RSPO2: variants seen among roughly 807,000 people sequenced by gnomAD.
RSPO2 encodes the protein R-spondin 2.
In RSPO2, 14 loss-of-function variants were observed where a neutral mutation model predicts 30.9. The ratio of observed to expected loss-of-function variants is 0.45; its 90% CI spans 0.30 to 0.71. The LOEUF is 0.71. Ranked by LOEUF, RSPO2 falls within the 30% of genes least tolerant of loss-of-function variation. RSPO2 has a pLI of 0.08. For synonymous variants in RSPO2, 107 were observed against 96.4 expected, an observed-to-expected ratio of 1.11 and a Z score of -0.64; for missense variants, 264 against 301.9, an observed-to-expected ratio of 0.87 and a Z score of 0.93.
intron 2 of RSPO2, among the ~76,000 whole-genome samples, chr8:107,996,009 G>T (rs577378610): frequency 6.6e-6 from 1 of 152,234 alleles, no homozygotes; most frequent in South Asian, 2.1e-4. Context: ...CTTCTGAAGA[G>T]GTTTTATTCT....
chr8:108,020,177 A>G (rs1362616824), intron 2 of RSPO2, among the ~76,000 whole-genome samples: 1 of 151,814 alleles, frequency 6.6e-6, no homozygotes, highest in Non-Finnish European at 1.5e-5. Flanking sequence ...TTTTTGTCCC[A>G]TCTCAGAGTC....
chr8:108,053,081 C>T (rs953607070), intron 2 of RSPO2, among the ~76,000 whole-genome samples: 2 of 152,096 alleles, frequency 1.3e-5, no homozygotes, highest in African/African-American at 4.8e-5. Flanking sequence ...TTGGATTTTA[C>T]GTATTCTAGG....
chr8:107,960,120 T>C (rs1263790008), intron 4 of RSPO2, among the ~76,000 whole-genome samples: 1 of 152,196 alleles, frequency 6.6e-6, no homozygotes, highest in East Asian at 1.9e-4. Context: ...ATAAAATTTA[T>C]AAAATGTGTT....
chr8:107,959,210 GT>G (rs1029273677), intron 4 of RSPO2, among the ~76,000 whole-genome samples: 1 of 152,160 alleles, frequency 6.6e-6, no homozygotes, highest in African/African-American at 2.4e-5. Flanking sequence ...CTTTCAACAG[GT>G]TTCTGGAGAC....
chr8:108,052,366 A>C (rs1289627700), intron 2 of RSPO2, among the ~76,000 whole-genome samples: 1 of 152,236 alleles, frequency 6.6e-6, no homozygotes, highest in Non-Finnish European at 1.5e-5. Context: ...TCCAACAGGG[A>C]TGTATTCCCC....
intron 3 of RSPO2, among the ~76,000 whole-genome samples, chr8:107,973,548 AC>A (rs1814091016): frequency 6.6e-6 from 1 of 151,768 alleles, no homozygotes; most frequent in African/African-American, 2.4e-5. Flanking sequence ...ACACACACAC[AC>A]ACACACACAC....
chr8:107,963,108 TA>T (rs1239298677), intron 3 of RSPO2, among the ~76,000 whole-genome samples: 2 of 152,170 alleles, frequency 1.3e-5, no homozygotes, highest in African/African-American at 4.8e-5. Flanking sequence ...GATGAAAGCT[TA>T]ATTATTTGTT....
At chr8:108,045,817 C>T (rs1811893162) in intron 2 of RSPO2, among the ~76,000 whole-genome samples, 1 of 152,128 alleles carries the variant, frequency 6.6e-6, no homozygotes, top group Non-Finnish European at 1.5e-5. Flanking sequence ...AATTTGCTAA[C>T]TGTTTACTGC....
chr8:108,071,324 A>G lies in RSPO2; in HGVS notation c.94+11221T>C, dbSNP rs190177340. On this transcript the variant is annotated intron_variant, in intron 2 of 5. Transcript: ENST00000276659. ...AATTGACAGGATTCAGTCAAGAATC[A>G]TATCAGCCACTGCTGATGTAACTTA... is the stretch of plus-strand genomic sequence containing the variant. Among the ~76,000 whole-genome samples, 5 of 152,356 alleles carry G rather than the reference A, an allele frequency of 3.3e-5. No homozygotes were observed. In the East Asian group the frequency reaches 5.8e-4, roughly 18 times the overall value.
intron 5 of RSPO2, among the ~76,000 whole-genome samples, chr8:107,954,900 C>T (rs1381240475): frequency 1.3e-5 from 2 of 152,154 alleles, no homozygotes; most frequent in Non-Finnish European, 2.9e-5. Context: ...TGAGCCATTG[C>T]GCCTGGCCTC....
chr8:108,059,758 A>T (rs1447753969), intron 2 of RSPO2, among the ~76,000 whole-genome samples: 2 of 149,662 alleles, frequency 1.3e-5, no homozygotes, highest in Non-Finnish European at 1.5e-5. Context: ...AAGAACAAAA[A>T]ACCAAACACC....
intron 2 of RSPO2, among the ~76,000 whole-genome samples, chr8:108,057,070 A>C: frequency 7.2e-6 from 1 of 138,198 alleles, no homozygotes; most frequent in Non-Finnish European, 1.6e-5. Context: ...AAAAAAAAAA[A>C]AAAAAAAAAA....
At chr8:108,008,883 A>T (rs967677857) in intron 2 of RSPO2, among the ~76,000 whole-genome samples, 2 of 152,084 alleles carry the variant, frequency 1.3e-5, no homozygotes, top group African/African-American at 4.8e-5. Context: ...TGAAACATAC[A>T]ATAATGGTAA....
chr8:108,008,797 A>T (rs963617012), intron 2 of RSPO2, among the ~76,000 whole-genome samples: 2 of 151,390 alleles, frequency 1.3e-5, no homozygotes, highest in Admixed American at 6.6e-5. Context: ...CAAAAAAAAA[A>T]AAATAAAGAA....
chr8:107,969,020 T>G (rs1813909973), intron 3 of RSPO2, among the ~76,000 whole-genome samples: 1 of 152,130 alleles, frequency 6.6e-6, no homozygotes, highest in Non-Finnish European at 1.5e-5. Flanking sequence ...GAAAATCATC[T>G]GCTTTGAACA....
chr8:108,017,004 CTTTCTT>C (rs1017578977), intron 2 of RSPO2, among the ~76,000 whole-genome samples: 2 of 151,664 alleles, frequency 1.3e-5, no homozygotes, highest in African/African-American at 4.8e-5. Context: ...TCAGATATTT[CTTTCTT>C]TTTCTTTTTT....
At chr8:107,939,236 T>A (rs2130369318) in intron 5 of RSPO2, among the ~76,000 whole-genome samples, 1 of 152,220 alleles carries the variant, frequency 6.6e-6, no homozygotes, top group African/African-American at 2.4e-5. Flanking sequence ...TTCTGCAGAA[T>A]GTTTCAGAAA....
chr8:108,043,697 T>C (rs1811823228), intron 2 of RSPO2, among the ~76,000 whole-genome samples: 1 of 151,954 alleles, frequency 6.6e-6, no homozygotes, highest in African/African-American at 2.4e-5. Flanking sequence ...GAGATACCCA[T>C]GGCAACTTGG....
chr8:107,960,903 G>T, intron 3 of RSPO2, 86 bp from the exon 4 acceptor site: 1 of 979,142 alleles, frequency 1.0e-6, no homozygotes, highest in Non-Finnish European at 1.5e-6. Context: ...AAACTCACAA[G>T]TTAGCCCATT....
Sources: allele counts gnomAD v4.1 joint callset (sites outside exome capture counted in the v4.1 genomes callset), GRCh38; gene constraint gnomAD v4.1.1; transcripts MANE v1.5; gene names NCBI Gene and HGNC (gene_info 2026-07-23, HGNC 2026-07-21).